CDH13: variants seen among roughly 807,000 people sequenced by gnomAD.
CDH13 encodes cadherin 13, also known as cadherin-13.
In CDH13, 24 loss-of-function variants were observed where a neutral mutation model predicts 63.8. The ratio of observed to expected loss-of-function variants is 0.38; its 90% CI spans 0.27 to 0.53. CDH13 has a LOEUF of 0.53. Ranked by LOEUF, CDH13 falls within the 20% of genes least tolerant of loss-of-function variation. The pLI, the probability that CDH13 is intolerant of heterozygous loss-of-function variation, is 0.85. For missense variants in CDH13, 1,049 were observed against 903.1 expected (o/e 1.16, Z -2.07); for synonymous variants, 503 against 355.3 (o/e 1.42, Z -4.67).
chr16:82,806,429 G>C (rs1196703816), intron 1 of CDH13, among the ~76,000 whole-genome samples: 2 of 152,024 alleles, frequency 1.3e-5, no homozygotes, highest in Non-Finnish European at 2.9e-5. Flanking sequence ...CAAGAATGTG[G>C]GTTCTTACAA....
At chr16:82,634,161 GC>G (rs1363623501) in intron 1 of CDH13, among the ~76,000 whole-genome samples, 7 of 152,230 alleles carry the variant, frequency 4.6e-5, no homozygotes, top group Non-Finnish European at 8.8e-5. Context: ...CAACAGCCCT[GC>G]CACATGCCTG....
chr16:83,166,189 C>T lies in CDH13; in HGVS notation c.483+40688C>T, dbSNP rs569336347. Among the ~76,000 whole-genome samples, 54 of 152,206 alleles carry T rather than the reference C, an allele frequency of 3.5e-4. No individual in the cohort carries two copies. The South Asian group carries it at 6.2e-3, about 18-fold the overall frequency. On this transcript the variant is annotated intron_variant, in intron 4 of 13. Transcript: ENST00000567109. ...TCAATTTGCAATAGCTGATCCCTGTCATTAAGGGAGTCAATTCTTGATACT... is the reference window on the plus strand; with the variant it reads ...TCAATTTGCAATAGCTGATCCCTGTTATTAAGGGAGTCAATTCTTGATACT...
intron 11 of CDH13, among the ~76,000 whole-genome samples, chr16:83,773,781 T>G (rs560980690): frequency 6.6e-6 from 1 of 152,240 alleles, no homozygotes; most frequent in East Asian, 1.9e-4. Context: ...AAACCCAGGG[T>G]GAGCATTAGT....
At chr16:82,742,953 C>T (rs1343629129) in intron 1 of CDH13, among the ~76,000 whole-genome samples, 3 of 152,108 alleles carry the variant, frequency 2.0e-5, no homozygotes, top group East Asian at 3.9e-4. Context: ...ATTTTAAGTG[C>T]ATAAAATTAC....
intron 4 of CDH13, among the ~76,000 whole-genome samples, chr16:83,163,026 A>T (rs1192954288): frequency 6.6e-6 from 1 of 152,048 alleles, no homozygotes; most frequent in African/African-American, 2.4e-5. Flanking sequence ...TGATTGAATC[A>T]TTGAGGCAGG....
In CDH13 at chr16:83,338,195, A is replaced by AAC. The variant is rs560612603; in HGVS notation, c.637-6666_637-6665insCA. ...AGTCCTCTTCTTTTTAAAAAAAAAA[A>AAC]AAAAAAAACAAGTAATCAGTTTAAT... On this transcript the variant is annotated intron_variant, in intron 5 of 13. Coordinates refer to ENST00000567109, the MANE Select transcript of CDH13 (RefSeq NM_001257.5). 2.5e-3 allele frequency among the ~76,000 whole-genome samples: 385 copies of AAC among 151,580 alleles called. 5 individuals carry two copies. The highest frequency in any genetic ancestry group is 8.9e-3 in the African/African-American group (369 of 41,346).
intron 4 of CDH13, among the ~76,000 whole-genome samples, chr16:83,207,392 GTT>G: frequency 6.6e-6 from 1 of 152,186 alleles, no homozygotes; most frequent in Non-Finnish European, 1.5e-5. Flanking sequence ...GTTCATTTGT[GTT>G]GCAATAGGTA....
chr16:83,412,313 T>G (rs2092140066), intron 6 of CDH13, among the ~76,000 whole-genome samples: 1 of 151,940 alleles, frequency 6.6e-6, no homozygotes, highest in African/African-American at 2.4e-5. Flanking sequence ...AATACAAAAA[T>G]TAGTCAGGCA....
chr16:83,674,609 A>G (rs2150864454), intron 9 of CDH13, among the ~76,000 whole-genome samples: 1 of 152,376 alleles, frequency 6.6e-6, no homozygotes, highest in South Asian at 2.1e-4. Context: ...TGGGCAGTCA[A>G]GCACAAGCAG....
intron 5 of CDH13, among the ~76,000 whole-genome samples, chr16:83,226,826 C>T (rs1284332660): frequency 6.6e-6 from 1 of 152,054 alleles, no homozygotes; most frequent in Admixed American, 6.6e-5. Context: ...CACTCTGGGA[C>T]CAGATCCCCA....
chr16:83,291,830 G>T (rs901821691), intron 5 of CDH13, among the ~76,000 whole-genome samples: 1 of 152,070 alleles, frequency 6.6e-6, no homozygotes, highest in Non-Finnish European at 1.5e-5. Flanking sequence ...CATCTTGTAC[G>T]TTTGGTCTCT....
intron 2 of CDH13, among the ~76,000 whole-genome samples, chr16:82,932,539 C>G (rs138584097): frequency 6.6e-6 from 1 of 152,260 alleles, no homozygotes; most frequent in African/African-American, 2.4e-5. Flanking sequence ...CAAGACAAAA[C>G]TTGTGGATAG....
intron 1 of CDH13, among the ~76,000 whole-genome samples, chr16:82,838,349 C>G (rs542328239): frequency 1.1e-4 from 16 of 152,290 alleles, no homozygotes; most frequent in African/African-American, 3.6e-4. Flanking sequence ...CTAGTGTCCA[C>G]TATAGGGATG....
At chr16:83,787,428 G>A (rs1443760313) in intron 13 of CDH13, among the ~76,000 whole-genome samples, 1 of 152,186 alleles carries the variant, frequency 6.6e-6, no homozygotes, top group African/African-American at 2.4e-5. Context: ...TTCCTTGGCT[G>A]AACCCCGCTC....
chr16:83,672,461 T>TCTCACCAG (rs1914592514), intron 9 of CDH13, among the ~76,000 whole-genome samples: 1 of 126,310 alleles, frequency 7.9e-6, no homozygotes, highest in African/African-American at 3.0e-5. Flanking sequence ...AGTCTTGCTC[T>TCTCACCAG]CTCACCAGGC....
intron 3 of CDH13, among the ~76,000 whole-genome samples, chr16:83,044,843 C>T (rs772729086): frequency 2.8e-4 from 42 of 152,104 alleles, no homozygotes; most frequent in African/African-American, 9.4e-4. Context: ...AGCAGCTGCT[C>T]GGGGCTTTCA....
intron 5 of CDH13, among the ~76,000 whole-genome samples, chr16:83,241,499 C>A (rs923545136): frequency 6.6e-6 from 1 of 152,294 alleles, no homozygotes; most frequent in Non-Finnish European, 1.5e-5. Flanking sequence ...CTTACTCTTT[C>A]TGTTTACTTG....
chr16:83,311,515 T>A (rs897674347), intron 5 of CDH13, among the ~76,000 whole-genome samples: 1 of 152,212 alleles, frequency 6.6e-6, no homozygotes, highest in Admixed American at 6.5e-5. Context: ...GTGGATTTTG[T>A]ATATACATAT....
intron 4 of CDH13, among the ~76,000 whole-genome samples, chr16:83,178,036 G>T (rs1232550341): frequency 6.6e-6 from 1 of 152,030 alleles, no homozygotes; most frequent in African/African-American, 2.4e-5. Context: ...CCCTAGCATA[G>T]AAAAAAATAG....
Sources: gnomAD v4.1 joint callset for allele counts (sites outside exome capture counted in the v4.1 genomes callset) on GRCh38, gnomAD v4.1.1 for gene constraint, MANE v1.5 for transcripts, NCBI Gene and HGNC (gene_info 2026-07-23, HGNC 2026-07-21) for gene names.